CCBE1: variants seen among roughly 807,000 people sequenced by gnomAD.
CCBE1 encodes the protein collagen and calcium-binding EGF domain-containing protein 1.
A neutral mutation model predicts 50.0 loss-of-function variants in CCBE1; 37 were observed. The observed-to-expected ratio is 0.74, with a 90% CI of 0.57 to 0.97. The LOEUF (loss-of-function observed/expected upper bound fraction) is 0.97, where lower values mean the gene tolerates loss of function less well. Ranked by LOEUF, CCBE1 falls within the 50% of genes least tolerant of loss-of-function variation. The pLI is 0.00. For missense variants in CCBE1, 538 were observed against 523.8 expected (o/e 1.03, Z -0.26); for synonymous variants, 234 against 203.7 (o/e 1.15, Z -1.27).
intron 10 of CCBE1, 63 bp from the exon 11 acceptor site, chr18:59,436,204 T>G: frequency 7.1e-7 from 1 of 1,416,112 alleles, no homozygotes; most frequent in Non-Finnish European, 1.0e-6. Context: ...CGGGGCTCCA[T>G]GACTTGACCT....
At chr18:59,485,862 A>G (rs1010979276) in intron 2 of CCBE1, among the ~76,000 whole-genome samples, 6 of 151,140 alleles carry the variant, frequency 4.0e-5, no homozygotes, top group African/African-American at 1.2e-4. Flanking sequence ...CGGCCTCCCA[A>G]AGTGCTAGGA....
chr18:59,449,166 C>G (rs910354281), intron 6 of CCBE1, among the ~76,000 whole-genome samples: 1 of 152,192 alleles, frequency 6.6e-6, no homozygotes, highest in Non-Finnish European at 1.5e-5. Flanking sequence ...AGCCCTGCCA[C>G]TTTCTACCTG....
At chr18:59,639,450 T>C (rs1262295270) in intron 2 of CCBE1, among the ~76,000 whole-genome samples, 2 of 152,222 alleles carry the variant, frequency 1.3e-5, no homozygotes, top group Admixed American at 1.3e-4. Context: ...CAATGCCCCT[T>C]CATGTTAAAA....
At position 59,489,172 on chromosome 18, in the gene CCBE1, T is replaced by C. The variant is rs535740510; in HGVS notation, c.213-8934A>G. ...CATCTCAATGATTAAAGGCATATGA[T>C]TGGTTCTCTGTTTACTGAAAGCAGG... On this transcript the variant is annotated intron_variant, in intron 2 of 10. Coordinates refer to ENST00000439986, the MANE Select transcript of CCBE1 (RefSeq NM_133459.4). Among the ~76,000 whole-genome samples the C allele has an allele frequency of 1.5e-4, 23 of 152,354 alleles. No homozygotes were observed. In the South Asian group the frequency reaches 4.6e-3, roughly 30 times the overall value.
At chr18:59,596,766 G>T (rs770595527) in intron 2 of CCBE1, among the ~76,000 whole-genome samples, 1 of 152,242 alleles carries the variant, frequency 6.6e-6, no homozygotes, top group Non-Finnish European at 1.5e-5. Context: ...GACCATCAAT[G>T]AAGTGTTGAG....
At chr18:59,455,250 A>T (rs536464209) in intron 5 of CCBE1, 7 of 473,166 alleles carry the variant, frequency 1.5e-5, no homozygotes, top group Non-Finnish European at 2.7e-5. Flanking sequence ...ATGGCCTTTT[A>T]TCAGTGCTTT....
intron 2 of CCBE1, among the ~76,000 whole-genome samples, chr18:59,495,467 C>A (rs1913309091): frequency 6.7e-6 from 1 of 150,354 alleles, no homozygotes; most frequent in African/African-American, 2.5e-5. Context: ...GTTCAGACAG[C>A]CAGTTTGTTG....
At chr18:59,582,971 C>G (rs765095224) in intron 2 of CCBE1, among the ~76,000 whole-genome samples, 1 of 152,104 alleles carries the variant, frequency 6.6e-6, no homozygotes, top group Non-Finnish European at 1.5e-5. Flanking sequence ...CATGTACCAC[C>G]ATGCCCAACT....
intron 2 of CCBE1, among the ~76,000 whole-genome samples, chr18:59,514,390 G>A (rs958172841): frequency 2.6e-5 from 4 of 152,030 alleles, no homozygotes; most frequent in Non-Finnish European, 4.4e-5. Flanking sequence ...TTTTGAGAGC[G>A]GCTGTCACTC....
chr18:59,450,789 C>A (rs1910895113), intron 6 of CCBE1, among the ~76,000 whole-genome samples: 1 of 152,248 alleles, frequency 6.6e-6, no homozygotes. Flanking sequence ...CCCGCCTTGG[C>A]TTCCCAAAGT....
At position 59,478,910 on chromosome 18, in the gene CCBE1, A is replaced by G. The variant is rs546153550; in HGVS notation, c.265+1276T>C. ...GAGAAATTCAGCTTAGAGAAACCCA[A>G]CACCACATCAACCATCACACGTGGA... is the stretch of plus-strand genomic sequence containing the variant. On this transcript the variant is annotated intron_variant, in intron 3 of 10. Coordinates refer to ENST00000439986, the MANE Select transcript of CCBE1 (RefSeq NM_133459.4). Among the ~76,000 whole-genome samples the G allele has an allele frequency of 3.0e-4, 46 of 152,342 alleles. No individual in the cohort carries two copies. The South Asian group carries it at 9.1e-3, about 30-fold the overall frequency.
At chr18:59,538,004 T>A (rs187110327) in intron 2 of CCBE1, among the ~76,000 whole-genome samples, 10 of 152,330 alleles carry the variant, frequency 6.6e-5, no homozygotes, top group Middle Eastern at 3.4e-3. Flanking sequence ...GAAAAATCTA[T>A]TTTTTGGAAT....
At chr18:59,660,814 T>C (rs1034171659) in intron 2 of CCBE1, among the ~76,000 whole-genome samples, 6 of 152,188 alleles carry the variant, frequency 3.9e-5, no homozygotes, top group Admixed American at 2.6e-4. Context: ...CAGCAAGAAC[T>C]CTTCTCTCAT....
intron 3 of CCBE1, among the ~76,000 whole-genome samples, chr18:59,474,698 C>A (rs989739300): frequency 3.9e-5 from 6 of 152,178 alleles, no homozygotes; most frequent in African/African-American, 1.4e-4. Context: ...AAGGCAATAT[C>A]CTGTCTGTAT....
At chr18:59,494,504 G>A (rs887531876) in intron 2 of CCBE1, among the ~76,000 whole-genome samples, 5 of 139,628 alleles carry the variant, frequency 3.6e-5, no homozygotes, top group African/African-American at 1.4e-4. Context: ...AGAGCATGGA[G>A]TTGAAAAATG....
Position 59,634,639 on chromosome 18 carries a change from C to A in CCBE1, c.212+61990G>T, listed in dbSNP as rs537750921. The stretch of plus-strand genomic sequence containing the variant: ...AATAGCATACCCAAGGATATCAGAT[C>A]GGCATCTTCAAATGCATAGTATAAA... On this transcript the variant is annotated intron_variant, in intron 2 of 10. Coordinates refer to ENST00000439986, the MANE Select transcript of CCBE1 (RefSeq NM_133459.4). Among the ~76,000 whole-genome samples the A allele has an allele frequency of 2.6e-5, 4 of 152,196 alleles. No individual in the cohort carries two copies. In the East Asian group the frequency reaches 7.7e-4, roughly 29 times the overall value.
intron 2 of CCBE1, among the ~76,000 whole-genome samples, chr18:59,642,665 A>T (rs1024519796): frequency 6.6e-6 from 1 of 152,176 alleles, no homozygotes; most frequent in South Asian, 2.1e-4. Context: ...CAAGAATACA[A>T]TGGGCCGGGC....
At chr18:59,643,477 T>G (rs190449600) in intron 2 of CCBE1, among the ~76,000 whole-genome samples, 1 of 152,124 alleles carries the variant, frequency 6.6e-6, no homozygotes, top group African/African-American at 2.4e-5. Context: ...TTTGTTCAAG[T>G]GGTTTAGGGA....
chr18:59,560,742 C>A (rs970784350), intron 2 of CCBE1, among the ~76,000 whole-genome samples: 2 of 152,192 alleles, frequency 1.3e-5, no homozygotes, highest in Admixed American at 6.5e-5. Context: ...AAGAGTGTGG[C>A]AGGGCGGGTT....
Sources: gnomAD v4.1 joint callset for allele counts (sites outside exome capture counted in the v4.1 genomes callset) on GRCh38, gnomAD v4.1.1 for gene constraint, MANE v1.5 for transcripts, NCBI Gene and HGNC (gene_info 2026-07-23, HGNC 2026-07-21) for gene names.